GABRA3: variants seen among roughly 807,000 people sequenced by gnomAD.
The protein encoded by GABRA3 is gamma-aminobutyric acid receptor subunit alpha-3.
In GABRA3, 10 loss-of-function variants were observed where a neutral mutation model predicts 30.1. That is an observed-to-expected ratio of 0.33 (90% CI 0.20 to 0.56). The LOEUF (loss-of-function observed/expected upper bound fraction) is 0.56. Ranked by LOEUF, GABRA3 falls within the 20% of genes least tolerant of loss-of-function variation. The pLI, the probability that GABRA3 is intolerant of heterozygous loss-of-function variation, is 0.89. For synonymous variants in GABRA3, 151 were observed against 146.8 expected (o/e 1.03, Z -0.21); for missense variants, 233 against 392.0 (o/e 0.59, Z 3.42).
chrX:152,318,773 G>C (rs952553125), intron 3 of GABRA3, among the ~76,000 whole-genome samples: 7 of 111,504 alleles, frequency 6.3e-5, no homozygotes, highest in Admixed American at 9.5e-5. Flanking sequence ...ATTTATGCGG[G>C]AAGAGCACTT....
intron 3 of GABRA3, among the ~76,000 whole-genome samples, chrX:152,316,320 T>C (rs1172457078): frequency 9.0e-6 from 1 of 111,106 alleles, no homozygotes; most frequent in East Asian, 2.9e-4. Context: ...GAAAAAAGAA[T>C]TAAAACTAAT....
chrX:152,321,907 A>G (rs1446594301), intron 3 of GABRA3, among the ~76,000 whole-genome samples: 2 of 110,914 alleles, frequency 1.8e-5, no homozygotes, highest in East Asian at 5.7e-4. Flanking sequence ...TCTCCTCTCC[A>G]TCAAAAAATA....
intron 3 of GABRA3, among the ~76,000 whole-genome samples, chrX:152,326,081 A>T (rs999800442): frequency 9.0e-6 from 1 of 111,419 alleles, no homozygotes; most frequent in Non-Finnish European, 1.9e-5. Context: ...AGCCGATTTG[A>T]TCAAGTGGAA....
chrX:152,193,825 C>T (rs1181374601), intron 8 of GABRA3, among the ~76,000 whole-genome samples: 1 of 110,903 alleles, frequency 9.0e-6, no homozygotes, highest in East Asian at 2.8e-4. Context: ...GGTGAAACCC[C>T]ATCTCAACTA....
chrX:152,303,851 C>T (rs1019060796), intron 3 of GABRA3, among the ~76,000 whole-genome samples: 2 of 110,846 alleles, frequency 1.8e-5, no homozygotes, highest in Non-Finnish European at 3.8e-5. Context: ...AGGACAAACA[C>T]CTAACGCATG....
chrX:152,352,099 A>C (rs936880266), intron 2 of GABRA3, among the ~76,000 whole-genome samples: 2 of 111,415 alleles, frequency 1.8e-5, no homozygotes, highest in African/African-American at 6.5e-5. Flanking sequence ...AATTTGCAAG[A>C]ATGACCAAAA....
At chrX:152,339,831 T>C (rs1940289104) in intron 3 of GABRA3, among the ~76,000 whole-genome samples, 1 of 112,088 alleles carries the variant, frequency 8.9e-6, no homozygotes, top group Admixed American at 9.5e-5. Flanking sequence ...TTTTCTGATA[T>C]TAAAATAACT....
chrX:152,283,427 C>T (rs1190684902), intron 4 of GABRA3, among the ~76,000 whole-genome samples: 2 of 111,637 alleles, frequency 1.8e-5, no homozygotes, highest in African/African-American at 6.5e-5. Flanking sequence ...TTACCCATGC[C>T]TGGCCTTCCA....
intron 4 of GABRA3, among the ~76,000 whole-genome samples, chrX:152,270,529 G>C (rs781339366): frequency 9.0e-6 from 1 of 111,238 alleles, no homozygotes; most frequent in Non-Finnish European, 1.9e-5. Flanking sequence ...CTGGATAACA[G>C]GCAGAAGGTG....
At chrX:152,371,230 A>G (rs1358020281) in intron 1 of GABRA3, among the ~76,000 whole-genome samples, 1 of 111,428 alleles carries the variant, frequency 9.0e-6, no homozygotes, top group African/African-American at 3.3e-5. Context: ...CTCAAGAGAT[A>G]ATATTTTACT....
At chrX:152,387,961 C>G (rs911768019) in intron 1 of GABRA3, among the ~76,000 whole-genome samples, 1 of 110,627 alleles carries the variant, frequency 9.0e-6, no homozygotes, top group Admixed American at 9.7e-5. Context: ...AGAAAAAAAC[C>G]AAAGATTCAA....
intron 2 of GABRA3, 76 bp downstream of exon 2, chrX:152,364,355 G>A: frequency 9.9e-7 from 1 of 1,013,530 alleles, no homozygotes; most frequent in Non-Finnish European, 1.3e-6. Flanking sequence ...TCATCTGGGG[G>A]AAAACATCAG....
chrX:152,227,590 T>C (rs1937987645), intron 5 of GABRA3, among the ~76,000 whole-genome samples: 1 of 100,914 alleles, frequency 9.9e-6, no homozygotes, highest in Admixed American at 1.1e-4. Context: ...CATAATTAAA[T>C]GGGTTACATT....
chrX:152,198,435 T>TA (rs1937417420), intron 7 of GABRA3, among the ~76,000 whole-genome samples: 1 of 112,719 alleles, frequency 8.9e-6, no homozygotes, highest in African/African-American at 3.2e-5. Flanking sequence ...TGTGCCAAAA[T>TA]ATTTTCTGAG....
chrX:152,255,656 C>T (rs1938624907), intron 5 of GABRA3, 122 bp downstream of exon 5: 1 of 555,231 alleles, frequency 1.8e-6, no homozygotes, highest in African/African-American at 2.2e-5. Flanking sequence ...GAAGTATATA[C>T]ATACCTGTAC....
chrX:152,329,178 T>C (rs1940119863), intron 3 of GABRA3, among the ~76,000 whole-genome samples: 1 of 111,564 alleles, frequency 9.0e-6, no homozygotes. Context: ...TACAAACCAC[T>C]GCTCAACGAA....
chrX:152,367,610 A>T (rs967016440), intron 1 of GABRA3, among the ~76,000 whole-genome samples: 3 of 111,704 alleles, frequency 2.7e-5, no homozygotes, highest in Non-Finnish European at 3.8e-5. Context: ...GAGATAACAC[A>T]TATCTTAAAC....
chrX:152,257,981 C>T lies in GABRA3; in HGVS notation c.331-1983G>A, dbSNP rs150304022. Reference sequence around the variant, plus strand: ...CTAGATTGACTTGCCAAAGCAAACACACAAAAAACTGGAAGGACAGAACCA... The same window carrying T: ...CTAGATTGACTTGCCAAAGCAAACATACAAAAAACTGGAAGGACAGAACCA... On this transcript the variant is annotated intron_variant, in intron 4 of 9. Coordinates refer to ENST00000370314, the MANE Select transcript of GABRA3 (RefSeq NM_000808.4). 7.0e-4 allele frequency among the ~76,000 whole-genome samples: 78 copies of T among 111,602 alleles called. 1 individual carries two copies. The highest frequency in any genetic ancestry group is 5.6e-4 in the Non-Finnish European group (30 of 53,098).
chrX:152,285,997 A>G (rs1251507975), intron 3 of GABRA3, among the ~76,000 whole-genome samples: 1 of 105,624 alleles, frequency 9.5e-6, no homozygotes, highest in African/African-American at 3.4e-5. Flanking sequence ...GATTGTGGGG[A>G]GACAAAAACA....
Sources: allele counts gnomAD v4.1 joint callset (sites outside exome capture counted in the v4.1 genomes callset), GRCh38; gene constraint gnomAD v4.1.1; transcripts MANE v1.5; gene names NCBI Gene and HGNC (gene_info 2026-07-23, HGNC 2026-07-21).